The following CARD9 variants were observed in gnomAD, a reference collection of about 807,000 sequenced individuals.
CARD9 encodes caspase recruitment domain family member 9, also known as caspase recruitment domain-containing protein 9.
In CARD9, 53 loss-of-function variants were observed where a neutral mutation model predicts 66.0. The observed-to-expected ratio is 0.80, with a 90% CI of 0.64 to 1.01. The LOEUF is 1.01. CARD9 is among the 50% of genes least tolerant of loss of function. The probability of loss-of-function intolerance (pLI) is 0.00; values close to 1 mark genes in which losing one functional copy is unlikely to be tolerated. For missense variants in CARD9, 769 were observed against 743.2 expected (o/e 1.03, Z -0.40); for synonymous variants, 387 against 313.8 (o/e 1.23, Z -2.47).
intron 10 of CARD9, chr9:136,365,958 C>T (rs1282574815): frequency 1.3e-5 from 2 of 152,430 alleles, no homozygotes; most frequent in Admixed American, 1.3e-4. Context: ...GGCTTGGCAT[C>T]CCCATGTTCA....
Position 136,364,587 on chromosome 9 carries a change from G to A in CARD9, c.1435-28C>T, listed in dbSNP as rs758466469. 9.0e-4 allele frequency: 1,386 copies of A among 1,532,638 alleles called. 1 individual carries two copies. The highest frequency in any genetic ancestry group is 2.9e-3 in the Middle Eastern group (13 of 4,456). The allele number at this position is 1,532,638 out of a possible 1,614,324, so 94.9% of individuals were successfully genotyped here. On this transcript the variant is annotated intron_variant, in intron 11 of 12. Transcript: ENST00000371732. ...GGAGAAGGGGGAAGGCTCGGGCTCC[G>A]GCCGGCTCCCCTGAGGGAACCCGTC...
rs372095913 is a variant in CARD9, at chr9:136,366,787, G to A, written c.1357+13C>T. On this transcript the variant is annotated intron_variant, in intron 10 of 12. Transcript: ENST00000371732. ...CTGGGAGGCCTCTGGGTGTACTGCT[G>A]TCCCCACCTCACCTTTGTCTGAGAG... 4.3e-6 allele frequency: 7 copies of A among 1,612,994 alleles called. No individual in the cohort carries two copies. The highest frequency in any genetic ancestry group is 1.7e-5 in the Admixed American group (1 of 60,016).
chr9:136,372,004 G>A lies in CARD9; in HGVS notation c.75C>T (p.Ile25=), dbSNP rs139436668. 40 of 1,612,676 alleles carry A rather than the reference G, an allele frequency of 2.5e-5. No homozygotes were observed. Among genetic ancestry groups the A allele is most frequent in the Non-Finnish European group, 3.3e-5 (39 of 1,179,932 alleles). Residue 25 remains isoleucine, a synonymous_variant, in exon 2 of 13, where the codon ATC becomes ATT. Transcript: ENST00000371732. ...EGFRVTLTSV[I]DPSRITPYLR... ...GGTAAGGTGTGATGCGTGAGGGGTC[G>A]ATGACCGAGGTGAGCGTCACCCGGA...
rs1422565556 is a variant in CARD9, at chr9:136,364,541, C to G, written c.1453G>C (p.Gly485Arg). The G allele has an allele frequency of 5.2e-6, 8 of 1,538,794 alleles. No homozygotes were observed. The highest frequency in any genetic ancestry group is 7.0e-6 in the Non-Finnish European group (8 of 1,146,810). ...RNPHDAGLSS[G>R]EPPEKERRRL... ...CGCCGCTCCTTCTCGGGCGGCTCCC[C>G]GCTGCTCAGGCCTGCGTCCTGGAGA... The change falls in exon 12 of 13, where the codon GGG (glycine) becomes CGG (arginine). Residue 485 changes from glycine to arginine, a missense_variant. Coordinates refer to ENST00000371732, the MANE Select transcript of CARD9 (RefSeq NM_052813.5).
intron 8 of CARD9, 61 bp from the exon 9 acceptor site, chr9:136,367,318 G>C: frequency 6.4e-7 from 1 of 1,570,518 alleles, no homozygotes; most frequent in Middle Eastern, 1.7e-4. Context: ...CAGGCACAGG[G>C]TGGGCAGGGC....
rs538768455 is a variant in CARD9, at chr9:136,367,433, C to T, written c.1270-176G>A. 1.7e-4 allele frequency: 158 copies of T among 922,958 alleles called. No individual in the cohort carries two copies. In the East Asian group the frequency reaches 4.1e-3, roughly 24 times the overall value. The allele number at this position is 922,958 out of a possible 1,614,324, so 57.2% of individuals were successfully genotyped here. A position where few individuals can be genotyped will look rare whatever the true frequency, so the allele number is the denominator to read the frequency against. ...GGCTGCCTGATGGCCAGGCCCAGGA[C>T]CCACCCCGGCCCTGCAGCCCCACTT... On this transcript the variant is annotated intron_variant, in intron 8 of 12. Coordinates refer to ENST00000371732, the MANE Select transcript of CARD9 (RefSeq NM_052813.5).
chr9:136,365,188 G>T lies in CARD9; in HGVS notation c.1387C>A (p.Gln463Lys). Residue 463 changes from glutamine to lysine, a missense_variant, in exon 11 of 13, where the codon CAG (glutamine) becomes AAG (lysine). Coordinates refer to ENST00000371732, the MANE Select transcript of CARD9 (RefSeq NM_052813.5). Reference protein sequence around the residue: ...GCLAGGGSPKQPFAALHQEQV... With the variant: ...GCLAGGGSPKKPFAALHQEQV... ...TCCTGGTGCAGAGCTGCAAAGGGCT[G>T]TTTCGGGCTCCCCCCGCCGGCAAGG... 6.2e-7 allele frequency: 1 copy of T among 1,610,744 alleles called. No individual in the cohort carries two copies.
rs1402887021 is a variant in CARD9, at chr9:136,371,113, G to T, written c.355C>A (p.Leu119Met). 1 of 1,612,506 alleles carries T rather than the reference G, an allele frequency of 6.2e-7. No individual in the cohort carries two copies. Among genetic ancestry groups the T allele is most frequent in the Admixed American group, 1.7e-5 (1 of 59,978 alleles). ...TGCAGCTTCATGACCTCAGTCATCA[G>T]CAGCTGAGTCAGGCCTGACTCCCCG... ...ASGESGLTQLLMTEVMKLQKK... is the reference protein window; with the variant it reads ...ASGESGLTQLMMTEVMKLQKK... The change falls in exon 4 of 13, where the codon CTG becomes ATG. Residue 119 changes from leucine to methionine, a missense_variant. Coordinates refer to ENST00000371732, the MANE Select transcript of CARD9 (RefSeq NM_052813.5).
chr9:136,367,792 C>T lies in CARD9; in HGVS notation c.1114G>A (p.Ala372Thr), dbSNP rs145574224. Reference sequence around the variant, plus strand: ...GCGTCCTTCTCCTGCAGGCCCCGGGCGTGCTGTGCGTGCAGCTCCTCCCGC... The same window carrying T: ...GCGTCCTTCTCCTGCAGGCCCCGGGTGTGCTGTGCGTGCAGCTCCTCCCGC... ...ATREELHAQH[A>T]RGLQEKDALR... is the part of the protein sequence containing the mutation. The change falls in exon 8 of 13, where the codon GCC becomes ACC. Residue 372 changes from alanine to threonine, a missense_variant. Physicochemically the swap from Ala to Thr is moderately conservative, Grantham distance 58 (BLOSUM62 0). Transcript: ENST00000371732. 1.3e-4 allele frequency: 208 copies of T among 1,602,596 alleles called. No homozygotes were observed. Among genetic ancestry groups the T allele is most frequent in the African/African-American group, 4.3e-4 (32 of 74,910 alleles).
At chr9:136,370,270 A>G (rs1233315802) in intron 6 of CARD9, 24 bp downstream of exon 6, 1 of 1,592,690 alleles carries the variant, frequency 6.3e-7, no homozygotes. Flanking sequence ...CCCAGGGGCC[A>G]TGTCTCCCCG....
intron 1 of CARD9, 100 bp downstream of exon 1, chr9:136,373,432 G>A: frequency 1.1e-6 from 1 of 930,946 alleles, no homozygotes. Flanking sequence ...GGCTGCCTGT[G>A]GGAAGCCTCA....
Position 136,364,012 on chromosome 9 carries a change from G to C in CARD9, c.*290C>G. 1 of 1,293,496 alleles carries C rather than the reference G, an allele frequency of 7.7e-7. No homozygotes were observed. The highest frequency in any genetic ancestry group is 1.3e-5 in the South Asian group (1 of 78,860). The allele number at this position is 1,293,496 out of a possible 1,614,324, so 80.1% of individuals were successfully genotyped here. Reference sequence around the variant, plus strand: ...CTGTGTTTTCTAACACTAATACAATGCATGCATGTATTGTGTGTTACATGG... The same window carrying C: ...CTGTGTTTTCTAACACTAATACAATCCATGCATGTATTGTGTGTTACATGG... On this transcript the variant is annotated 3_prime_UTR_variant, in exon 13 of 13. Transcript: ENST00000371732.
At chr9:136,371,841 C>T (rs541825537) in intron 2 of CARD9, 54 bp downstream of exon 2, 23 of 1,556,378 alleles carry the variant, frequency 1.5e-5, no homozygotes, top group South Asian at 7.3e-5. Flanking sequence ...CAGCCACCTC[C>T]GAGCTGACTC....
Position 136,373,557 on chromosome 9 carries a change from C to A in CARD9, c.-42G>T. 1.0e-6 allele frequency: 1 copy of A among 985,786 alleles called. No individual in the cohort carries two copies. Among genetic ancestry groups the A allele is most frequent in the Non-Finnish European group, 1.2e-6 (1 of 830,094 alleles). The allele number at this position is 985,786 out of a possible 1,614,324, so 61.1% of individuals were successfully genotyped here. On this transcript the variant is annotated 5_prime_UTR_variant, in exon 1 of 13. Coordinates refer to ENST00000371732, the MANE Select transcript of CARD9 (RefSeq NM_052813.5). ...CTGAGGGTCTTCCAGGAGCCACCTG[C>A]ACTGCAGACACACCAGGAGCCTGGG...
chr9:136,370,237 A>C lies in CARD9; in HGVS notation c.951+57T>G, dbSNP rs1037482012. 4 of 1,575,432 alleles carry C rather than the reference A, an allele frequency of 2.5e-6. No homozygotes were observed. The African/African-American group carries it at 5.4e-5, about 21-fold the overall frequency. On this transcript the variant is annotated intron_variant, in intron 6 of 12. Coordinates refer to ENST00000371732, the MANE Select transcript of CARD9 (RefSeq NM_052813.5). Reference sequence around the variant, plus strand: ...TCCAGGCACGGAGTGGGCGGAGCTCAGCCCGTCCAGCCTGGCTTGGACCCC... The same window carrying C: ...TCCAGGCACGGAGTGGGCGGAGCTCCGCCCGTCCAGCCTGGCTTGGACCCC...
Position 136,371,427 on chromosome 9 carries a change from G to C in CARD9, c.219C>G (p.His73Gln), listed in dbSNP as rs1380371712. Residue 73 changes from histidine to glutamine, a missense_variant, in exon 3 of 13, where the codon CAC (histidine) becomes CAG (glutamine). Physicochemically the swap from His to Gln is conservative, Grantham distance 24. Coordinates refer to ENST00000371732, the MANE Select transcript of CARD9 (RefSeq NM_052813.5). Reference protein sequence around the residue: ...VLLDILQRTGHKGYVAFLESL... With the variant: ...VLLDILQRTGQKGYVAFLESL... ...TCTCGAGGAAGGCCACGTAGCCCTT[G>C]TGGCCGGTCCGCTGCAGGATGTCCA... is the stretch of plus-strand genomic sequence containing the variant. The C allele has an allele frequency of 6.3e-7, 1 of 1,585,424 alleles. No individual in the cohort carries two copies. Among genetic ancestry groups the C allele is most frequent in the South Asian group, 1.1e-5 (1 of 87,500 alleles).
intron 7 of CARD9, chr9:136,368,096 C>G: frequency 1.6e-6 from 2 of 1,239,278 alleles, no homozygotes; most frequent in Non-Finnish European, 2.1e-6. Context: ...TACCCCCACA[C>G]GTGCACATTT....
Position 136,369,902 on chromosome 9 carries a change from A to C in CARD9, c.952-27T>G, listed in dbSNP as rs1039812317. The C allele has an allele frequency of 3.1e-6, 5 of 1,609,020 alleles. No individual in the cohort carries two copies. In the African/African-American group the frequency reaches 5.3e-5, roughly 17 times the overall value. On this transcript the variant is annotated intron_variant, in intron 6 of 12. Coordinates refer to ENST00000371732, the MANE Select transcript of CARD9 (RefSeq NM_052813.5). ...TGCAGGGGGCGGCAGCTCAGCCCCCACAGGCCTGAGGCCCCCCATTCTGGC... is the reference window on the plus strand; with the variant it reads ...TGCAGGGGGCGGCAGCTCAGCCCCCCCAGGCCTGAGGCCCCCCATTCTGGC...
Position 136,367,642 on chromosome 9 carries a change from C to T in CARD9, c.1264G>A (p.Val422Ile), listed in dbSNP as rs374295826. Reference sequence around the variant, plus strand: ...GCCGCAGGCCCCAGGCCCACCAGGACGAGCGTCTCCAGCTGCTGCCGCCTG... The same window carrying T: ...GCCGCAGGCCCCAGGCCCACCAGGATGAGCGTCTCCAGCTGCTGCCGCCTG... ...RLRRQQLETL[V>I]LSSDLEDGSP... Residue 422 changes from valine (V) to isoleucine (I), a missense_variant, in exon 8 of 13, where the codon GTC becomes ATC. Transcript: ENST00000371732. The T allele has an allele frequency of 1.2e-5, 19 of 1,584,310 alleles. No homozygotes were observed. Among genetic ancestry groups the T allele is most frequent in the African/African-American group, 5.4e-5 (4 of 74,692 alleles).
Sources: gnomAD v4.1 joint callset for allele counts on GRCh38, gnomAD v4.1.1 for gene constraint, MANE v1.5 for transcripts, NCBI Gene and HGNC (gene_info 2026-07-23, HGNC 2026-07-21) for gene names.